The following DPY19L2 variants were observed in gnomAD, a reference collection of about 807,000 sequenced individuals.
The protein encoded by DPY19L2 is dpy-19 like 2.
Under a neutral mutation model 97.9 loss-of-function variants are expected in DPY19L2, and 34 were observed. The observed-to-expected ratio is 0.35, with a 90% confidence interval of 0.26 to 0.46. The LOEUF (loss-of-function observed/expected upper bound fraction) is 0.46. Ranked by LOEUF, DPY19L2 falls within the 20% of genes least tolerant of loss-of-function variation. The pLI is 1.00. For synonymous variants in DPY19L2, 230 were observed against 307.9 expected (o/e 0.75, Z 2.65); for missense variants, 623 against 911.4 (o/e 0.68, Z 4.07).
At chr12:63,569,623 A>G (rs184905301) in intron 20 of DPY19L2, among the ~76,000 whole-genome samples, 368 of 152,296 alleles carry the variant, frequency 2.4e-3, no homozygotes, top group Non-Finnish European at 4.7e-3. Flanking sequence ...AGAGCAGCTT[A>G]GGATATACAA....
chr12:63,627,894 A>C (rs1394391625), intron 6 of DPY19L2, among the ~76,000 whole-genome samples: 1 of 152,214 alleles, frequency 6.6e-6, no homozygotes. Context: ...TAATGAAGAA[A>C]GGAAGAAAAC....
rs1273615869 is a variant in DPY19L2 at position 63,616,616 on chromosome 12, T to C, written c.1218+688A>G. The stretch of plus-strand genomic sequence containing the variant: ...TAACTACAATGTAATAGAACTGATT[T>C]ACTAAACCACCCTTCCAAACACATA... On this transcript the variant is annotated intron_variant, in intron 11 of 21. Coordinates refer to ENST00000324472, the MANE Select transcript of DPY19L2 (RefSeq NM_173812.5). Among the ~76,000 whole-genome samples the C allele has an allele frequency of 2.0e-5, 3 of 152,280 alleles. No individual in the cohort carries two copies. In the East Asian group the frequency reaches 5.8e-4, roughly 29 times the overall value.
intron 7 of DPY19L2, among the ~76,000 whole-genome samples, chr12:63,624,926 T>C (rs994367124): frequency 6.6e-6 from 1 of 152,196 alleles, no homozygotes; most frequent in African/African-American, 2.4e-5. Flanking sequence ...AGTCAACTTA[T>C]ACCAACAGTT....
chr12:63,656,954 T>C (rs1195902530), intron 4 of DPY19L2, among the ~76,000 whole-genome samples: 2 of 152,192 alleles, frequency 1.3e-5, no homozygotes, highest in Non-Finnish European at 2.9e-5. Context: ...GTCTTTAAAA[T>C]ATTAATCATA....
chr12:63,617,273 A>T (rs764190789), intron 11 of DPY19L2, 31 bp downstream of exon 11: 7 of 1,526,922 alleles, frequency 4.6e-6, no homozygotes, highest in Non-Finnish European at 6.3e-6. Flanking sequence ...GGCAGGTTAA[A>T]AAAAACCAAC....
intron 4 of DPY19L2, among the ~76,000 whole-genome samples, chr12:63,656,088 T>C (rs1894934433): frequency 6.6e-6 from 1 of 152,146 alleles, no homozygotes; most frequent in Non-Finnish European, 1.5e-5. Context: ...CAGGAAAAGT[T>C]GTAAATTTGA....
At chr12:63,573,553 A>C (rs1879279644) in intron 19 of DPY19L2, among the ~76,000 whole-genome samples, 1 of 152,162 alleles carries the variant, frequency 6.6e-6, no homozygotes, top group African/African-American at 2.4e-5. Context: ...AGAACTTCTC[A>C]AAGCTAGAGA....
chr12:63,571,178 G>C (rs1186651026), intron 19 of DPY19L2, among the ~76,000 whole-genome samples: 1 of 152,060 alleles, frequency 6.6e-6, no homozygotes, highest in Non-Finnish European at 1.5e-5. Flanking sequence ...TCTGGGTTGT[G>C]CACTCAGAAT....
chr12:63,600,947 G>C (rs1171056775), intron 12 of DPY19L2, among the ~76,000 whole-genome samples: 1 of 151,780 alleles, frequency 6.6e-6, no homozygotes, highest in Admixed American at 6.6e-5. Flanking sequence ...CACCATGCCC[G>C]GCTAATTTTT....
At chr12:63,649,591 A>G (rs570976008) in intron 4 of DPY19L2, among the ~76,000 whole-genome samples, 1 of 152,268 alleles carries the variant, frequency 6.6e-6, no homozygotes, top group East Asian at 1.9e-4. Context: ...AAATGGCTAA[A>G]TTCCTGGAAA....
At chr12:63,587,742 T>G (rs1267855836) in intron 16 of DPY19L2, among the ~76,000 whole-genome samples, 1 of 151,894 alleles carries the variant, frequency 6.6e-6, no homozygotes, top group Non-Finnish European at 1.5e-5. Context: ...CCAGCTAATT[T>G]GTGTATTTTT....
intron 6 of DPY19L2, among the ~76,000 whole-genome samples, chr12:63,634,644 TG>T (rs200140295): frequency 0.024 from 3,607 of 152,250 alleles, 75 homozygotes; most frequent in Middle Eastern, 0.061. Flanking sequence ...ATCCCGCACA[TG>T]GCTCAGAAGG....
chr12:63,644,807 T>C (rs2138131531), intron 5 of DPY19L2, among the ~76,000 whole-genome samples: 1 of 152,304 alleles, frequency 6.6e-6, no homozygotes, highest in Middle Eastern at 3.4e-3. Flanking sequence ...GCATTTATAC[T>C]TTCCTCCAAT....
intron 18 of DPY19L2, among the ~76,000 whole-genome samples, 185 bp from the exon 19 acceptor site, chr12:63,581,021 G>A (rs1172321806): frequency 6.6e-6 from 1 of 152,112 alleles, no homozygotes; most frequent in Non-Finnish European, 1.5e-5. Context: ...CAGGGCCCAG[G>A]TGAAAATGGA....
At chr12:63,655,889 C>G (rs934221481) in intron 4 of DPY19L2, among the ~76,000 whole-genome samples, 1 of 152,020 alleles carries the variant, frequency 6.6e-6, no homozygotes, top group African/African-American at 2.4e-5. Flanking sequence ...TTGCAAATAC[C>G]CTTGCTAACC....
Position 63,560,583 on chromosome 12 carries a change from G to A in DPY19L2, c.2206C>T (p.Leu736Phe). ...GTGAAGTAAGGCCTGGCGTCTTCGA[G>A]CAGGACGCTACATAAGGGAGGGTTA... ...AANPPLCSVL[L>F]EDARPYFTTV... The change falls in exon 22 of 22, where the codon CTC becomes TTC. Residue 736 changes from leucine (L) to phenylalanine (F), a missense_variant. This residue lies in a region of DPY19L2 where 294 missense variants were observed against 446.2 expected (regional missense o/e 0.66). Transcript: ENST00000324472. The A allele has an allele frequency of 6.2e-7, 1 of 1,614,044 alleles. No homozygotes were observed. The highest frequency in any genetic ancestry group is 8.5e-7 in the Non-Finnish European group (1 of 1,179,958).
rs537008991 is a variant in DPY19L2, at chr12:63,652,842, G to A, written c.589-5477C>T. On this transcript the variant is annotated intron_variant, in intron 4 of 21. Coordinates refer to ENST00000324472, the MANE Select transcript of DPY19L2 (RefSeq NM_173812.5). ...TGAGTACTATGCTTATTACCTGGCT[G>A]CCAAAATACTCCACACACCAAACCC... is the stretch of plus-strand genomic sequence containing the variant. Among the ~76,000 whole-genome samples the A allele has an allele frequency of 3.3e-5, 5 of 152,196 alleles. No homozygotes were observed. In the East Asian group the frequency reaches 9.7e-4, roughly 29 times the overall value.
At chr12:63,625,936 TTA>T (rs58304721) in intron 7 of DPY19L2, among the ~76,000 whole-genome samples, 43,160 of 147,302 alleles carry the variant, frequency 0.29, 7,356 homozygotes, top group African/African-American at 0.47. Context: ...AATATATATG[TTA>T]TATATATATA....
intron 6 of DPY19L2, among the ~76,000 whole-genome samples, chr12:63,635,126 T>A (rs1355376758): frequency 6.6e-6 from 1 of 152,138 alleles, no homozygotes; most frequent in Non-Finnish European, 1.5e-5. Context: ...TGTTCACCAA[T>A]ATCCACTGCT....
Sources: gnomAD v4.1 joint callset for allele counts (sites outside exome capture counted in the v4.1 genomes callset) on GRCh38, gnomAD v4.1.1 for gene constraint, gnomAD v4.1.1 regional missense constraint, MANE v1.5 for transcripts, NCBI Gene and HGNC (gene_info 2026-07-23, HGNC 2026-07-21) for gene names.